Variants in IQSEC1 observed in about 807,000 individuals in gnomAD.
The protein encoded by IQSEC1 is IQ motif and Sec7 domain ArfGEF 1, also known as IQ motif and SEC7 domain-containing protein 1.
In IQSEC1, 31 loss-of-function variants were observed where a neutral mutation model predicts 91.0. That is an observed-to-expected ratio of 0.34 (90% CI 0.26 to 0.46). The LOEUF (loss-of-function observed/expected upper bound fraction) is 0.46, where lower values mean the gene tolerates loss of function less well. Among genes scored for constraint, IQSEC1 ranks in the 20% least tolerant of loss-of-function variants. The probability of loss-of-function intolerance (pLI) is 1.00; values close to 1 mark genes in which losing one functional copy is unlikely to be tolerated. For missense variants in IQSEC1, 1,388 were observed against 1,575.6 expected (o/e 0.88, Z 2.02); for synonymous variants, 699 against 662.6 (o/e 1.05, Z -0.84).
intron 1 of IQSEC1, among the ~76,000 whole-genome samples, chr3:12,948,405 G>C (rs575777274): frequency 3.3e-4 from 51 of 152,308 alleles, no homozygotes; most frequent in African/African-American, 1.2e-3. Flanking sequence ...AGGGTGGAGG[G>C]AGACCTGGAC....
intron 1 of IQSEC1, among the ~76,000 whole-genome samples, chr3:13,241,435 G>A (rs1160461728): frequency 3.9e-5 from 6 of 152,238 alleles, no homozygotes; most frequent in Non-Finnish European, 1.5e-5. Context: ...GGGAGCAGGT[G>A]TGTCCGCTGT....
intron 1 of IQSEC1, among the ~76,000 whole-genome samples, chr3:12,971,139 G>A (rs560866390): frequency 5.3e-5 from 8 of 152,292 alleles, no homozygotes; most frequent in East Asian, 1.9e-4. Flanking sequence ...ATATTAATGC[G>A]CACATGCAGC....
At chr3:13,164,943 A>C (rs573901273) in intron 1 of IQSEC1, among the ~76,000 whole-genome samples, 2 of 152,200 alleles carry the variant, frequency 1.3e-5, no homozygotes, top group Non-Finnish European at 2.9e-5. Flanking sequence ...CCAGAGTCAG[A>C]GATTTGTCTT....
rs1420807773 is a variant in IQSEC1, at chr3:13,282,258, G to T, written c.272+453C>A. Among the ~76,000 whole-genome samples the T allele has an allele frequency of 6.6e-6, 1 of 152,206 alleles. No homozygotes were observed. The highest frequency in any genetic ancestry group is 2.4e-5 in the African/African-American group (1 of 41,468). Reference sequence around the variant, plus strand: ...TCCAGGGACACCGCAACCCGCAAGCGACCCAGGCCCGCTCCAGGGCGGGAT... The same window carrying T: ...TCCAGGGACACCGCAACCCGCAAGCTACCCAGGCCCGCTCCAGGGCGGGAT... On this transcript the variant is annotated intron_variant, in intron 1 of 15. Coordinates refer to the IQSEC1 transcript ENST00000648114. The surrounding 1 kb of genome is among the most constrained non-coding windows in gnomAD (Gnocchi z 6.4).
chr3:13,238,614 C>T (rs1049153167), intron 1 of IQSEC1, among the ~76,000 whole-genome samples: 35 of 152,230 alleles, frequency 2.3e-4, no homozygotes, highest in African/African-American at 7.7e-4. Context: ...TAGAGCAGGG[C>T]TCAGCACATG....
intron 1 of IQSEC1, among the ~76,000 whole-genome samples, chr3:13,011,078 TTC>T (rs1162522220): frequency 6.6e-6 from 1 of 152,242 alleles, no homozygotes; most frequent in East Asian, 1.9e-4. Context: ...ACTTTTTTTT[TTC>T]TTTTTCCTCT....
intron 1 of IQSEC1, chr3:13,015,847 G>A: frequency 6.1e-6 from 2 of 329,230 alleles, no homozygotes; most frequent in Non-Finnish European, 8.7e-6. Context: ...TCACTGGGCA[G>A]GCCCCAGTCA....
intron 1 of IQSEC1, among the ~76,000 whole-genome samples, chr3:13,223,606 G>A (rs1349999989): frequency 6.6e-6 from 1 of 152,164 alleles, no homozygotes; most frequent in East Asian, 1.9e-4. Context: ...CCAGGTCCTC[G>A]CGCGCCCACC....
intron 1 of IQSEC1, among the ~76,000 whole-genome samples, chr3:13,253,798 C>T (rs183537847): frequency 1.3e-5 from 2 of 152,094 alleles, no homozygotes; most frequent in Admixed American, 6.6e-5. Flanking sequence ...TTTTATCTGA[C>T]GAAGAGGTAA....
At chr3:13,209,711 A>G (rs957334664) in intron 1 of IQSEC1, among the ~76,000 whole-genome samples, 2 of 151,984 alleles carry the variant, frequency 1.3e-5, no homozygotes, top group Non-Finnish European at 2.9e-5. Context: ...GGGCTCTCCA[A>G]CTCTTAAGTC....
intron 1 of IQSEC1, among the ~76,000 whole-genome samples, chr3:13,042,948 C>A (rs575362918): frequency 6.6e-6 from 1 of 152,150 alleles, no homozygotes; most frequent in Admixed American, 6.5e-5. Context: ...AATCCCTGTT[C>A]GGCCTGTGCG....
chr3:13,010,409 G>C (rs751095418), intron 1 of IQSEC1, among the ~76,000 whole-genome samples: 1 of 152,198 alleles, frequency 6.6e-6, no homozygotes, highest in Non-Finnish European at 1.5e-5. Context: ...GACTGGTCCA[G>C]GGATGGGTAT....
rs953640689 is a variant in IQSEC1, at chr3:13,020,089, C to T, written c.23+52903G>A. Among the ~76,000 whole-genome samples the T allele has an allele frequency of 2.0e-5, 3 of 152,330 alleles. No homozygotes were observed. In the South Asian group the frequency reaches 6.2e-4, roughly 32 times the overall value. On this transcript the variant is annotated intron_variant, in intron 1 of 13. Coordinates refer to ENST00000613206, the MANE Select transcript of IQSEC1 (RefSeq NM_001134382.3). ...ATTCTGTCAACAAGCCCTGAGGTTT[C>T]CAAAGTGCCAATACCTGGAAACCTT... is the stretch of plus-strand genomic sequence containing the variant.
intron 2 of IQSEC1, among the ~76,000 whole-genome samples, chr3:13,138,221 C>T (rs1348966392): frequency 6.6e-6 from 1 of 152,198 alleles, no homozygotes; most frequent in East Asian, 1.9e-4. Context: ...GCTTTGGAGT[C>T]CTCGGCTTGC....
Position 12,992,719 on chromosome 3 carries a change from G to A in IQSEC1, c.24-50854C>T, listed in dbSNP as rs554997906. ...CTCACAAAGCTGACCAGGCAGAGCC[G>A]ACTGCTGTCCTTGTGAGCCTCATCT... is the stretch of plus-strand genomic sequence containing the variant. On this transcript the variant is annotated intron_variant, in intron 1 of 13. Coordinates refer to ENST00000613206, the MANE Select transcript of IQSEC1 (RefSeq NM_001134382.3). The surrounding 1 kb of genome is among the most constrained non-coding windows in gnomAD (Gnocchi z 4.1). 6.6e-6 allele frequency among the ~76,000 whole-genome samples: 1 copy of A among 152,208 alleles called. No homozygotes were observed. The highest frequency in any genetic ancestry group is 1.5e-5 in the Non-Finnish European group (1 of 68,032).
chr3:12,942,997 C>G (rs1698896173), intron 1 of IQSEC1, among the ~76,000 whole-genome samples: 1 of 152,246 alleles, frequency 6.6e-6, no homozygotes. Context: ...TTGTCGAAGG[C>G]CCCTGTGTGT....
chr3:13,030,327 T>C (rs1703797910), intron 1 of IQSEC1, among the ~76,000 whole-genome samples: 1 of 152,238 alleles, frequency 6.6e-6, no homozygotes, highest in South Asian at 2.1e-4. Flanking sequence ...GAACTCCTCC[T>C]GGTCTCAAGT....
At chr3:12,911,535 G>A (rs1013971704) in intron 10 of IQSEC1, 94 bp downstream of exon 10, 5 of 924,460 alleles carry the variant, frequency 5.4e-6, no homozygotes, top group South Asian at 2.6e-5. Context: ...GGTGAGCGTC[G>A]AAGCCCCCCG....
chr3:13,205,306 C>G (rs1694324345), intron 1 of IQSEC1, among the ~76,000 whole-genome samples: 1 of 152,074 alleles, frequency 6.6e-6, no homozygotes, highest in African/African-American at 2.4e-5. Context: ...ACCTGGGATA[C>G]AACAGACTAG....
Sources: allele counts gnomAD v4.1 joint callset (sites outside exome capture counted in the v4.1 genomes callset), GRCh38; gene constraint gnomAD v4.1.1; non-coding constraint Gnocchi (gnomAD v3.1); transcripts MANE v1.5; gene names NCBI Gene and HGNC (gene_info 2026-07-23, HGNC 2026-07-21).